The following NALCN variants were observed in gnomAD, a reference collection of about 807,000 sequenced individuals.
NALCN encodes sodium leak channel NALCN.
In NALCN, 111 loss-of-function variants were observed where a neutral mutation model predicts 225.3. The ratio of observed to expected loss-of-function variants is 0.49; its 90% CI spans 0.42 to 0.58. The LOEUF (loss-of-function observed/expected upper bound fraction) is 0.58, where lower values mean the gene tolerates loss of function less well. Ranked by LOEUF, NALCN falls within the 20% of genes least tolerant of loss-of-function variation. NALCN has a pLI of 0.00. For synonymous variants in NALCN, 764 were observed against 769.0 expected (o/e 0.99, Z 0.11); for missense variants, 1,378 against 2,202.4 (o/e 0.63, Z 7.49).
At chr13:101,187,840 A>G (rs79431788) in intron 14 of NALCN, among the ~76,000 whole-genome samples, 1,620 of 152,336 alleles carry the variant, frequency 0.011, 9 homozygotes, top group South Asian at 0.018. Flanking sequence ...TTAAAGGTCC[A>G]GACAGTAAAC....
intron 22 of NALCN, among the ~76,000 whole-genome samples, 159 bp downstream of exon 22, chr13:101,107,328 C>G (rs146384523): frequency 2.0e-5 from 3 of 152,158 alleles, no homozygotes; most frequent in Non-Finnish European, 4.4e-5. Context: ...TGTTTTCCAC[C>G]TGGTCGGGTG....
intron 6 of NALCN, chr13:101,368,880 C>G (rs1417916332): frequency 4.9e-6 from 1 of 204,050 alleles, no homozygotes; most frequent in African/African-American, 2.4e-5. Context: ...GTGGCACACG[C>G]CTGTAGTCCC....
chr13:101,383,395 G>A (rs1170623021), intron 3 of NALCN, among the ~76,000 whole-genome samples: 1 of 151,756 alleles, frequency 6.6e-6, no homozygotes, highest in African/African-American at 2.4e-5. Context: ...GTATTCTCTG[G>A]AGTTACATTA....
At chr13:101,251,137 G>T (rs954612622) in intron 11 of NALCN, among the ~76,000 whole-genome samples, 3 of 152,024 alleles carry the variant, frequency 2.0e-5, no homozygotes, top group African/African-American at 7.2e-5. Context: ...TTAAGTCTAG[G>T]TATATATTTA....
chr13:101,382,200 C>T (rs2046868534), intron 3 of NALCN, among the ~76,000 whole-genome samples: 1 of 150,628 alleles, frequency 6.6e-6, no homozygotes, highest in African/African-American at 2.4e-5. Context: ...ATGAATTAAA[C>T]TCGGTGGAAC....
At chr13:101,153,077 C>T (rs753550867) in intron 15 of NALCN, among the ~76,000 whole-genome samples, 17 of 151,956 alleles carry the variant, frequency 1.1e-4, no homozygotes, top group African/African-American at 3.6e-4. Flanking sequence ...ATTTATAAAA[C>T]ATCAGAGATA....
intron 9 of NALCN, 82 bp downstream of exon 9, chr13:101,291,908 G>A (rs183124253): frequency 3.6e-5 from 49 of 1,376,432 alleles, no homozygotes; most frequent in Non-Finnish European, 4.8e-5. Flanking sequence ...TCATGCAAGA[G>A]CTTCCCCAAG....
At chr13:101,177,687 TC>T (rs1173840063) in intron 14 of NALCN, among the ~76,000 whole-genome samples, 1 of 152,110 alleles carries the variant, frequency 6.6e-6, no homozygotes, top group Non-Finnish European at 1.5e-5. Flanking sequence ...TTTTTTTAAG[TC>T]CCATATTCAC....
intron 7 of NALCN, among the ~76,000 whole-genome samples, chr13:101,309,062 T>C (rs2044249711): frequency 6.6e-6 from 1 of 152,214 alleles, no homozygotes; most frequent in Non-Finnish European, 1.5e-5. Flanking sequence ...AGGGTTTTGG[T>C]TTCATGACTA....
chr13:101,259,781 C>CATAT (rs60991665), intron 10 of NALCN, among the ~76,000 whole-genome samples: 1 of 144,828 alleles, frequency 6.9e-6, no homozygotes, highest in Admixed American at 6.9e-5. Context: ...TATATATACA[C>CATAT]ATATATATTT....
chr13:101,391,333 T>A (rs1298027744), intron 3 of NALCN, among the ~76,000 whole-genome samples: 3 of 152,136 alleles, frequency 2.0e-5, no homozygotes, highest in Non-Finnish European at 4.4e-5. Context: ...TAGGGGATAA[T>A]TTCCTAAGAA....
chr13:101,072,978 A>T (rs1167013888), intron 37 of NALCN, among the ~76,000 whole-genome samples: 1 of 152,130 alleles, frequency 6.6e-6, no homozygotes, highest in Non-Finnish European at 1.5e-5. Context: ...AAAATAAATG[A>T]ATGTAAGCCA....
chr13:101,233,386 G>T (rs1566466235), intron 12 of NALCN, among the ~76,000 whole-genome samples: 1 of 149,242 alleles, frequency 6.7e-6, no homozygotes, highest in African/African-American at 2.5e-5. Context: ...TGTGGCCCAG[G>T]CTGGAGAGCA....
At chr13:101,409,170 A>G (rs2047708038) in intron 1 of NALCN, among the ~76,000 whole-genome samples, 1 of 152,080 alleles carries the variant, frequency 6.6e-6, no homozygotes. Flanking sequence ...TTGTCATTGC[A>G]CCCTGCACGC....
At chr13:101,402,447 C>A (rs1487872784) in intron 1 of NALCN, among the ~76,000 whole-genome samples, 1 of 152,182 alleles carries the variant, frequency 6.6e-6, no homozygotes, top group Non-Finnish European at 1.5e-5. Flanking sequence ...TTGGTATATA[C>A]TTTCCCTACT....
chr13:101,173,681 T>C (rs753387860), intron 15 of NALCN, among the ~76,000 whole-genome samples: 4 of 152,138 alleles, frequency 2.6e-5, no homozygotes, highest in Non-Finnish European at 5.9e-5. Context: ...TTGGAATGCA[T>C]AGCGCTTTCT....
At chr13:101,400,937 T>A (rs2047459733) in intron 1 of NALCN, among the ~76,000 whole-genome samples, 1 of 152,190 alleles carries the variant, frequency 6.6e-6, no homozygotes, top group Non-Finnish European at 1.5e-5. Context: ...CTTCACACAC[T>A]CTTTCTCCTG....
At chr13:101,094,328 C>A (rs969906677) in intron 28 of NALCN, among the ~76,000 whole-genome samples, 4 of 152,234 alleles carry the variant, frequency 2.6e-5, no homozygotes, top group South Asian at 2.1e-4. Context: ...GTTAAGTGAT[C>A]CCCCTGGGGT....
intron 15 of NALCN, among the ~76,000 whole-genome samples, chr13:101,166,697 A>G (rs1373685469): frequency 6.6e-6 from 1 of 152,030 alleles, no homozygotes; most frequent in Non-Finnish European, 1.5e-5. Context: ...TTTTCACTCT[A>G]TTGATTGTTT....
Sources: gnomAD v4.1 joint callset for allele counts (sites outside exome capture counted in the v4.1 genomes callset) on GRCh38, gnomAD v4.1.1 for gene constraint, MANE v1.5 for transcripts, NCBI Gene and HGNC (gene_info 2026-07-23, HGNC 2026-07-21) for gene names.